Variants in PCGF5 observed in about 807,000 individuals in gnomAD.
The protein encoded by PCGF5 is polycomb group ring finger 5.
In PCGF5, 9 loss-of-function variants were observed where a neutral mutation model predicts 44.3. The ratio of observed to expected loss-of-function variants is 0.20; its 90% CI spans 0.12 to 0.35. The LOEUF is 0.35. PCGF5 is among the 10% of genes least tolerant of loss of function. The pLI is 1.00. For synonymous variants in PCGF5, 95 were observed against 102.5 expected (o/e 0.93, Z 0.44); for missense variants, 146 against 305.3 (o/e 0.48, Z 3.89).
chr10:91,231,156 G>A (rs1278197070), intron 2 of PCGF5, among the ~76,000 whole-genome samples: 1 of 152,190 alleles, frequency 6.6e-6, no homozygotes, highest in Non-Finnish European at 1.5e-5. Context: ...AGTAACATGT[G>A]TAGGGTCTAC....
intron 1 of PCGF5, among the ~76,000 whole-genome samples, chr10:91,193,057 T>C (rs1159814278): frequency 1.3e-5 from 2 of 152,068 alleles, no homozygotes; most frequent in African/African-American, 4.8e-5. Flanking sequence ...GTGGCCACAG[T>C]TGGAATGATC....
intron 3 of PCGF5, among the ~76,000 whole-genome samples, chr10:91,247,943 C>T (rs1457532064): frequency 6.6e-6 from 1 of 152,086 alleles, no homozygotes; most frequent in East Asian, 1.9e-4. Context: ...CTCACTCATG[C>T]AACTGCAGTT....
At chr10:91,159,046 T>C (rs74149060), upstream of PCGF5, among the ~76,000 whole-genome samples, 4,352 of 152,204 alleles carry the variant, frequency 0.029, 186 homozygotes, top group African/African-American at 0.1. Context: ...GCAGGAAATG[T>C]AGAGAAATTG....
chr10:91,195,443 TATATATATGCATATATATATATGCATGC>T (rs138892283), intron 1 of PCGF5, among the ~76,000 whole-genome samples: 12,400 of 141,626 alleles, frequency 0.088, 1,478 homozygotes, highest in African/African-American at 0.31. Flanking sequence ...AAATCATATG[TATATATATGCATATATATATATGCATGC>T]ATATATATAT....
intron 5 of PCGF5, among the ~76,000 whole-genome samples, chr10:91,250,369 G>A (rs749119992): frequency 5.9e-5 from 9 of 151,736 alleles, no homozygotes; most frequent in Non-Finnish European, 8.8e-5. Flanking sequence ...TTTTTCAAGT[G>A]TTAGCTTAGA....
At chr10:91,227,823 G>A (rs1410641109) in intron 2 of PCGF5, 1 of 987,768 alleles carries the variant, frequency 1.0e-6, no homozygotes, top group Non-Finnish European at 1.2e-6. Flanking sequence ...TCCTTGAAAT[G>A]AATGCCTCCT....
chr10:91,217,072 C>A (rs545597203), upstream of PCGF5, among the ~76,000 whole-genome samples: 2 of 151,800 alleles, frequency 1.3e-5, no homozygotes, highest in South Asian at 2.1e-4. Flanking sequence ...CTCGCTCTGT[C>A]GCCCAGGATG....
At chr10:91,185,191 C>T (rs796780267) in intron 1 of PCGF5, among the ~76,000 whole-genome samples, 5 of 149,674 alleles carry the variant, frequency 3.3e-5, no homozygotes, top group African/African-American at 1.2e-4. Context: ...AAATCTCTGT[C>T]AGCCAGAAAA....
chr10:91,255,417 C>A (rs1564651712), intron 6 of PCGF5, among the ~76,000 whole-genome samples: 1 of 152,076 alleles, frequency 6.6e-6, no homozygotes, highest in Non-Finnish European at 1.5e-5. Flanking sequence ...AGGCCCTAAG[C>A]TCTCACCTCT....
At position 91,284,112 on chromosome 10, in the gene PCGF5, A is replaced by G. The variant is rs1275156579; in HGVS notation, c.*5796A>G. ...ATTTTTTATTTTTGTGCTCAAATGT[A>G]TTTTCTGTTGATCTATGGAATGTTC... On this transcript the variant is annotated 3_prime_UTR_variant, in exon 10 of 10. Transcript: ENST00000336126. The G allele has an allele frequency of 6.6e-6, 1 of 151,424 alleles. No homozygotes were observed. The highest frequency in any genetic ancestry group is 1.5e-5 in the Non-Finnish European group (1 of 67,782). The allele number at this position is 151,424 out of a possible 1,614,324, so 9.4% of individuals were successfully genotyped here.
At chr10:91,193,368 A>G (rs1844069241) in intron 1 of PCGF5, among the ~76,000 whole-genome samples, 1 of 151,254 alleles carries the variant, frequency 6.6e-6, no homozygotes, top group Admixed American at 6.6e-5. Context: ...GTGAGATGCT[A>G]AGTGGGTATT....
intron 1 of PCGF5, among the ~76,000 whole-genome samples, chr10:91,207,190 A>G (rs1844363334): frequency 6.6e-6 from 1 of 152,162 alleles, no homozygotes; most frequent in Non-Finnish European, 1.5e-5. Context: ...ATTTACTTTT[A>G]TTTAAGTTTA....
At chr10:91,173,801 T>C (rs1843655864) in intron 1 of PCGF5, among the ~76,000 whole-genome samples, 1 of 152,140 alleles carries the variant, frequency 6.6e-6, no homozygotes, top group Non-Finnish European at 1.5e-5. Context: ...GATTAAATTC[T>C]TCAGGCTAAG....
chr10:91,174,214 C>G (rs1159395852), intron 1 of PCGF5, among the ~76,000 whole-genome samples: 2 of 151,846 alleles, frequency 1.3e-5, no homozygotes, highest in Non-Finnish European at 2.9e-5. Flanking sequence ...AAAAAAAAGT[C>G]TGTATTTTTA....
At chr10:91,197,414 G>A (rs1485412112) in intron 1 of PCGF5, among the ~76,000 whole-genome samples, 3 of 152,208 alleles carry the variant, frequency 2.0e-5, no homozygotes, top group South Asian at 4.1e-4. Context: ...TCCACGGGCA[G>A]TGTTATCACA....
At chr10:91,237,327 C>T (rs1845191743) in intron 2 of PCGF5, among the ~76,000 whole-genome samples, 1 of 152,028 alleles carries the variant, frequency 6.6e-6, no homozygotes, top group African/African-American at 2.4e-5. Flanking sequence ...AAACGAAAAA[C>T]AAAGCAAGTC....
At chr10:91,232,081 A>G (rs1305155144) in intron 2 of PCGF5, among the ~76,000 whole-genome samples, 2 of 152,206 alleles carry the variant, frequency 1.3e-5, no homozygotes, top group Non-Finnish European at 2.9e-5. Flanking sequence ...AAAAGGAGAA[A>G]TCAGTGAGAT....
intron 2 of PCGF5, among the ~76,000 whole-genome samples, chr10:91,239,718 G>A (rs7907920): frequency 8.9e-4 from 136 of 152,314 alleles, no homozygotes; most frequent in African/African-American, 3.2e-3. Flanking sequence ...AAGCTTAGGT[G>A]AAAGATGAGA....
intron 7 of PCGF5, among the ~76,000 whole-genome samples, chr10:91,262,804 T>C (rs764078752): frequency 2.0e-5 from 3 of 152,234 alleles, no homozygotes; most frequent in Non-Finnish European, 4.4e-5. Context: ...TAACAATGTA[T>C]GGATACAACT....
Sources: gnomAD v4.1 joint callset for allele counts (sites outside exome capture counted in the v4.1 genomes callset) on GRCh38, gnomAD v4.1.1 for gene constraint, MANE v1.5 for transcripts, NCBI Gene and HGNC (gene_info 2026-07-23, HGNC 2026-07-21) for gene names.